PDE7B: variants seen among roughly 807,000 people sequenced by gnomAD.
The protein encoded by PDE7B is 3',5'-cyclic-AMP phosphodiesterase 7B.
A neutral mutation model predicts 56.2 loss-of-function variants in PDE7B; 29 were observed. That is an observed-to-expected ratio of 0.52 (90% CI 0.38 to 0.70). The LOEUF (loss-of-function observed/expected upper bound fraction) is 0.70, where lower values mean the gene tolerates loss of function less well. Ranked by LOEUF, PDE7B falls within the 30% of genes least tolerant of loss-of-function variation. The probability of loss-of-function intolerance (pLI) is 0.00; values close to 1 mark genes in which losing one functional copy is unlikely to be tolerated. For synonymous variants in PDE7B, 197 were observed against 196.9 expected, an observed-to-expected ratio of 1.00 and a Z score of 0.00; for missense variants, 490 against 565.0, an observed-to-expected ratio of 0.87 and a Z score of 1.35.
intron 2 of PDE7B, among the ~76,000 whole-genome samples, chr6:135,985,998 T>C (rs1583812335): frequency 6.6e-6 from 1 of 152,194 alleles, no homozygotes; most frequent in East Asian, 1.9e-4. Flanking sequence ...GAGCCAATTA[T>C]AATGCTGTTA....
At chr6:136,081,275 C>G (rs1343662103) in intron 2 of PDE7B, among the ~76,000 whole-genome samples, 1 of 152,084 alleles carries the variant, frequency 6.6e-6, no homozygotes, top group African/African-American at 2.4e-5. Context: ...GACAACAGTG[C>G]CTCGGGGAGA....
At chr6:135,984,303 G>GTT (rs200525452) in intron 2 of PDE7B, among the ~76,000 whole-genome samples, 3 of 151,726 alleles carry the variant, frequency 2.0e-5, no homozygotes, top group African/African-American at 7.3e-5. Flanking sequence ...TTTTTTGTTT[G>GTT]TTTTTTTTGT....
intron 1 of PDE7B, among the ~76,000 whole-genome samples, chr6:135,898,009 T>G (rs1441825466): frequency 6.6e-6 from 1 of 152,176 alleles, no homozygotes; most frequent in Non-Finnish European, 1.5e-5. Flanking sequence ...ATAAACCATG[T>G]CTGATCCTTA....
intron 2 of PDE7B, among the ~76,000 whole-genome samples, chr6:136,107,061 G>A (rs1336126878): frequency 6.6e-6 from 1 of 152,124 alleles, no homozygotes; most frequent in Non-Finnish European, 1.5e-5. Flanking sequence ...AAAATTCAAA[G>A]CAGAGAACAG....
chr6:136,037,110 A>G lies in PDE7B; in HGVS notation c.83-71621A>G, dbSNP rs567653576. The stretch of plus-strand genomic sequence containing the variant: ...GGGGACACAGTAGTCAGTGGCCCAC[A>G]TAATAAATCAACAGTGCTCTCCCTC... On this transcript the variant is annotated intron_variant, in intron 2 of 12. Transcript: ENST00000308191. Among the ~76,000 whole-genome samples the G allele has an allele frequency of 4.6e-4, 70 of 152,346 alleles. 1 individual carries two copies. Among genetic ancestry groups the G allele is most frequent in the Admixed American group, 1.6e-3 (24 of 15,302 alleles).
chr6:136,151,599 T>C (rs889229282), intron 6 of PDE7B, among the ~76,000 whole-genome samples: 3 of 152,176 alleles, frequency 2.0e-5, no homozygotes, highest in Non-Finnish European at 2.9e-5. Flanking sequence ...AATTAACACA[T>C]ACTTTTTATG....
chr6:135,866,170 C>A (rs1475290077), intron 1 of PDE7B, among the ~76,000 whole-genome samples: 3 of 151,988 alleles, frequency 2.0e-5, no homozygotes, highest in African/African-American at 7.2e-5. Context: ...CTTCCTCTTC[C>A]TCTCACCACC....
chr6:136,145,134 T>C (rs2128446469), intron 3 of PDE7B, among the ~76,000 whole-genome samples: 1 of 152,302 alleles, frequency 6.6e-6, no homozygotes, highest in Non-Finnish European at 1.5e-5. Context: ...CTATTATTTC[T>C]TCTACATTTA....
chr6:136,081,799 C>T (rs1777209963), intron 2 of PDE7B, among the ~76,000 whole-genome samples: 1 of 152,202 alleles, frequency 6.6e-6, no homozygotes, highest in South Asian at 2.1e-4. Context: ...AGATAGAACC[C>T]ACATTCAAAC....
At chr6:136,135,184 G>T (rs924435729) in intron 3 of PDE7B, among the ~76,000 whole-genome samples, 1 of 152,052 alleles carries the variant, frequency 6.6e-6, no homozygotes, top group African/African-American at 2.4e-5. Context: ...TGAGTTTGGA[G>T]AACTTAAAAT....
chr6:136,141,751 C>A (rs906114417), intron 3 of PDE7B, among the ~76,000 whole-genome samples: 3 of 152,100 alleles, frequency 2.0e-5, no homozygotes, highest in African/African-American at 7.2e-5. Flanking sequence ...AGTTTATTTG[C>A]GTACAGGTGT....
At chr6:136,082,143 C>T (rs114842674) in intron 2 of PDE7B, among the ~76,000 whole-genome samples, 2,004 of 152,306 alleles carry the variant, frequency 0.013, 39 homozygotes, top group African/African-American at 0.046. Context: ...GGTCCTGACG[C>T]ATCCGTAATG....
At chr6:136,067,568 C>T (rs1776965055) in intron 2 of PDE7B, among the ~76,000 whole-genome samples, 1 of 152,140 alleles carries the variant, frequency 6.6e-6, no homozygotes, top group African/African-American at 2.4e-5. Context: ...GACTTCTATG[C>T]CGGAAGCATA....
intron 2 of PDE7B, among the ~76,000 whole-genome samples, chr6:136,007,434 G>T (rs1583824978): frequency 6.6e-6 from 1 of 152,092 alleles, no homozygotes; most frequent in African/African-American, 2.4e-5. Context: ...GAATGAGTTA[G>T]GGAAGAGTCC....
intron 3 of PDE7B, among the ~76,000 whole-genome samples, chr6:136,119,523 G>T (rs1420413013): frequency 2.0e-5 from 3 of 152,152 alleles, no homozygotes; most frequent in African/African-American, 4.8e-5. Flanking sequence ...TTGGAAAATT[G>T]GTTGGAAATT....
chr6:135,961,255 A>ATGTGTGTGTGTGTGTGTGTG (rs961322926), intron 2 of PDE7B, among the ~76,000 whole-genome samples: 7 of 146,190 alleles, frequency 4.8e-5, no homozygotes, highest in African/African-American at 1.6e-4. Context: ...TAGAGTGTAT[A>ATGTGTGTGTGTGTGTGTGTG]TGTGTGTGTG....
intron 3 of PDE7B, among the ~76,000 whole-genome samples, chr6:136,118,143 C>G (rs1440475807): frequency 6.6e-6 from 1 of 152,176 alleles, no homozygotes; most frequent in Admixed American, 6.5e-5. Flanking sequence ...TCTCTCTCTG[C>G]TGAGTACATC....
At chr6:136,100,600 A>AT (rs1583881237) in intron 2 of PDE7B, among the ~76,000 whole-genome samples, 1 of 152,154 alleles carries the variant, frequency 6.6e-6, no homozygotes, top group East Asian at 1.9e-4. Context: ...AATGCTTGTG[A>AT]TTTTTGCACA....
chr6:136,090,980 G>A (rs1354580967), intron 2 of PDE7B, among the ~76,000 whole-genome samples: 1 of 152,154 alleles, frequency 6.6e-6, no homozygotes, highest in Non-Finnish European at 1.5e-5. Context: ...TAGCCAAAGT[G>A]TCCAAATTCC....
Sources: gnomAD v4.1 joint callset for allele counts (sites outside exome capture counted in the v4.1 genomes callset) on GRCh38, gnomAD v4.1.1 for gene constraint, MANE v1.5 for transcripts, NCBI Gene and HGNC (gene_info 2026-07-23, HGNC 2026-07-21) for gene names.